SMCHD1: variants seen among roughly 807,000 people sequenced by gnomAD.
The protein encoded by SMCHD1 is structural maintenance of chromosomes flexible hinge domain-containing protein 1.
A neutral mutation model predicts 254.7 loss-of-function variants in SMCHD1; 78 were observed. That is an observed-to-expected ratio of 0.31 (90% CI 0.26 to 0.37). The LOEUF is 0.37. Ranked by LOEUF, SMCHD1 falls within the 10% of genes least tolerant of loss-of-function variation. SMCHD1 has a pLI of 1.00. For missense variants in SMCHD1, 1,840 were observed against 2,408.1 expected (o/e 0.76, Z 4.94); for synonymous variants, 766 against 794.9 (o/e 0.96, Z 0.61).
chr18:2,777,744 T>C, intron 42 of SMCHD1, 62 bp from the exon 43 acceptor site: 1 of 877,010 alleles, frequency 1.1e-6, no homozygotes, highest in South Asian at 1.9e-5. Context: ...TTCCATATTG[T>C]CTTTTTTTAA....
rs376786747 is a variant in SMCHD1 at position 2,777,199 on chromosome 18, G to A, written c.5367-607G>A. 3.3e-4 allele frequency among the ~76,000 whole-genome samples: 50 copies of A among 152,256 alleles called. 1 individual carries two copies. The highest frequency in any genetic ancestry group is 1.2e-3 in the African/African-American group (49 of 41,558). ...TATGGATTTGACATTTAGGGCTAAC[G>A]TTTGTTCTAGAAACGAGTTATCCTC... On this transcript the variant is annotated intron_variant, in intron 42 of 47. Coordinates refer to ENST00000320876, the MANE Select transcript of SMCHD1 (RefSeq NM_015295.3).
chr18:2,690,213 TC>T lies in SMCHD1; in HGVS notation c.873+1469del, dbSNP rs548177182. ...TAAAATATATACTTAATAGTTTTGA[TC>T]CCACATTTAAAAAATTAACATGTTG... On this transcript the variant is annotated intron_variant, in intron 7 of 47. Transcript: ENST00000320876. Among the ~76,000 whole-genome samples the T allele has an allele frequency of 1.4e-4, 22 of 152,330 alleles. No homozygotes were observed. The South Asian group carries it at 4.1e-3, about 29-fold the overall frequency.
chr18:2,666,901 C>T lies in SMCHD1; in HGVS notation c.294C>T (p.Tyr98=). 1 of 1,613,416 alleles carries T rather than the reference C, an allele frequency of 6.2e-7. No homozygotes were observed. Among genetic ancestry groups the T allele is most frequent in the Non-Finnish European group, 8.5e-7 (1 of 1,179,556 alleles). The part of the protein sequence containing the change: ...DETVKDGVTL[Y]LLQSVNQLLL... ...CTGTTAAAGATGGAGTCACCTTATA[C>T]CTGCTACAGTCGGTCAATCAGTTAC... The change falls in exon 3 of 48, where the codon TAC becomes TAT. Residue 98 remains tyrosine, a synonymous_variant. Coordinates refer to ENST00000320876, the MANE Select transcript of SMCHD1 (RefSeq NM_015295.3).
chr18:2,713,827 C>T (rs1033502694), intron 17 of SMCHD1, among the ~76,000 whole-genome samples: 2 of 152,096 alleles, frequency 1.3e-5, no homozygotes, highest in African/African-American at 4.8e-5. Flanking sequence ...CCACTATGGT[C>T]CAAGAAGTTA....
At chr18:2,663,619 C>T (rs566217683) in intron 1 of SMCHD1, among the ~76,000 whole-genome samples, 14 of 152,214 alleles carry the variant, frequency 9.2e-5, no homozygotes, top group Non-Finnish European at 1.8e-4. Flanking sequence ...TCTTTCCCCA[C>T]CAATTTGTAA....
intron 25 of SMCHD1, among the ~76,000 whole-genome samples, chr18:2,734,834 A>T (rs1451218042): frequency 1.3e-5 from 2 of 151,784 alleles, no homozygotes; most frequent in African/African-American, 2.4e-5. Flanking sequence ...CTTTGGGAGG[A>T]TGAGGCAGGT....
At chr18:2,692,538 CTTTTA>C (rs957450120) in intron 7 of SMCHD1, among the ~76,000 whole-genome samples, 1 of 152,144 alleles carries the variant, frequency 6.6e-6, no homozygotes, top group African/African-American at 2.4e-5. Flanking sequence ...TTAATTTTGT[CTTTTA>C]TATTATTTTC....
intron 29 of SMCHD1, among the ~76,000 whole-genome samples, chr18:2,744,357 T>A (rs1164866261): frequency 6.6e-6 from 1 of 152,142 alleles, no homozygotes; most frequent in African/African-American, 2.4e-5. Context: ...CGTAAATACT[T>A]CGGTATGCCT....
At position 2,748,380 on chromosome 18, in the gene SMCHD1, G is replaced by GTGTGTA. The variant is rs561439889; in HGVS notation, c.3927+736_3927+737insGTATGT. ...TGTGTGTGTGTGTGTGTGTGTGTGT[G>GTGTGTA]TGTATATAAATTTTTTTTTTTTTTT... On this transcript the variant is annotated intron_variant, in intron 30 of 47. Transcript: ENST00000320876. Among the ~76,000 whole-genome samples, 646 of 80,246 alleles carry GTGTGTA rather than the reference G, an allele frequency of 8.1e-3. 66 individuals carry two copies. The highest frequency in any genetic ancestry group is 0.031 in the East Asian group (73 of 2,372). 52.6% of individuals were successfully genotyped at this position (80,246 alleles called of 152,430 possible). A position where few individuals can be genotyped will look rare whatever the true frequency, so the allele number is the denominator to read the frequency against.
intron 1 of SMCHD1, among the ~76,000 whole-genome samples, chr18:2,664,840 T>C (rs2073391812): frequency 6.6e-6 from 1 of 152,240 alleles, no homozygotes; most frequent in South Asian, 2.1e-4. Context: ...CAGCCAGAGC[T>C]ATTTTGGTTA....
At chr18:2,667,390 G>T (rs117933719) in intron 3 of SMCHD1, among the ~76,000 whole-genome samples, 2,726 of 152,172 alleles carry the variant, frequency 0.018, 41 homozygotes, top group Middle Eastern at 0.099. Context: ...AATACATATA[G>T]CTAGGTTGCG....
At chr18:2,703,980 T>A (rs1021411974) in intron 13 of SMCHD1, 94 bp downstream of exon 13, 22 of 1,047,624 alleles carry the variant, frequency 2.1e-5, no homozygotes, top group South Asian at 2.7e-5. Context: ...AAGCTATTTT[T>A]AAAAATTTCT....
intron 5 of SMCHD1, among the ~76,000 whole-genome samples, chr18:2,678,257 C>G (rs28414609): frequency 1.0e-5 from 1 of 99,082 alleles, no homozygotes; most frequent in African/African-American, 3.8e-5. Context: ...CTTTCTTTCT[C>G]TCTCTCTCTC....
intron 25 of SMCHD1, among the ~76,000 whole-genome samples, chr18:2,735,663 C>T (rs1420318297): frequency 1.3e-5 from 2 of 152,200 alleles, no homozygotes; most frequent in Middle Eastern, 3.4e-3. Flanking sequence ...TAACACAGTC[C>T]CATTTACGGT....
At chr18:2,694,796 G>A in intron 8 of SMCHD1, 103 bp downstream of exon 8, 1 of 979,426 alleles carries the variant, frequency 1.0e-6, no homozygotes, top group Non-Finnish European at 1.5e-6. Flanking sequence ...TTTTGCTCCT[G>A]TCTCATTTTC....
intron 45 of SMCHD1, among the ~76,000 whole-genome samples, chr18:2,788,597 A>ATTTAT (rs890344831): frequency 3.3e-5 from 5 of 151,862 alleles, no homozygotes; most frequent in African/African-American, 9.7e-5. Flanking sequence ...TTTAATATTC[A>ATTTAT]TTTATTTTAT....
intron 29 of SMCHD1, among the ~76,000 whole-genome samples, chr18:2,744,435 TA>T (rs2075409305): frequency 6.6e-6 from 1 of 152,162 alleles, no homozygotes; most frequent in African/African-American, 2.4e-5. Context: ...TTTTTTTTTT[TA>T]CTGAAGTTTC....
Position 2,794,286 on chromosome 18 carries a change from TTG to T in SMCHD1, c.5720-1662_5720-1661del, listed in dbSNP as rs748195772. On this transcript the variant is annotated intron_variant, in intron 45 of 47. Coordinates refer to ENST00000320876, the MANE Select transcript of SMCHD1 (RefSeq NM_015295.3). ...CCTGGGCTCAAGCAGTCCGCTCACCTTGGCCTCCCAAAGGTCGAACAGCATAG... is the reference window on the plus strand; with the variant it reads ...CCTGGGCTCAAGCAGTCCGCTCACCTGCCTCCCAAAGGTCGAACAGCATAG... 5.0e-3 allele frequency among the ~76,000 whole-genome samples: 764 copies of T among 152,264 alleles called. 5 individuals are homozygous for T. Among genetic ancestry groups the T allele is most frequent in the African/African-American group, 0.017 (714 of 41,554 alleles).
Position 2,739,292 on chromosome 18 carries a change from A to C in SMCHD1, c.3426-140A>C. 4.5e-6 allele frequency: 3 copies of C among 666,224 alleles called. No individual in the cohort carries two copies. In the South Asian group the frequency reaches 5.4e-5, roughly 12 times the overall value. The allele number at this position is 666,224 out of a possible 1,614,324, so 41.3% of individuals were successfully genotyped here. A position where few individuals can be genotyped will look rare whatever the true frequency, so the allele number is the denominator to read the frequency against. On this transcript the variant is annotated intron_variant, in intron 26 of 47. Transcript: ENST00000320876. Reference sequence around the variant, plus strand: ...TTTTGGATTAATAGCAGATTATATAAATTAAACAGTTATTTGAAGGAGTGT... The same window carrying C: ...TTTTGGATTAATAGCAGATTATATACATTAAACAGTTATTTGAAGGAGTGT...
Sources: allele counts gnomAD v4.1 joint callset (sites outside exome capture counted in the v4.1 genomes callset), GRCh38; gene constraint gnomAD v4.1.1; transcripts MANE v1.5; gene names NCBI Gene and HGNC (gene_info 2026-07-23, HGNC 2026-07-21).